AK4: variants seen among roughly 807,000 people sequenced by gnomAD.
AK4 encodes adenylate kinase 4, mitochondrial.
A neutral mutation model predicts 24.6 loss-of-function variants in AK4; 13 were observed. The observed-to-expected ratio is 0.53, with a 90% CI of 0.34 to 0.84. The LOEUF (loss-of-function observed/expected upper bound fraction) is 0.84. Among genes scored for constraint, AK4 ranks in the 40% least tolerant of loss-of-function variants. The pLI is 0.01. For synonymous variants in AK4, 88 were observed against 107.0 expected, an observed-to-expected ratio of 0.82 and a Z score of 1.10; for missense variants, 192 against 288.2, an observed-to-expected ratio of 0.67 and a Z score of 2.42.
intron 4 of AK4, among the ~76,000 whole-genome samples, chr1:65,225,659 C>A (rs1376536232): frequency 6.6e-6 from 1 of 152,142 alleles, no homozygotes; most frequent in Non-Finnish European, 1.5e-5. Flanking sequence ...TTTAGCAAAC[C>A]TTAAGATCAG....
At chr1:65,171,899 C>A (rs1012331165) in intron 1 of AK4, among the ~76,000 whole-genome samples, 4 of 150,986 alleles carry the variant, frequency 2.6e-5, no homozygotes, top group Non-Finnish European at 5.9e-5. Flanking sequence ...GAAACCCTAG[C>A]TCTAGTAAAA....
chr1:65,152,364 A>ATCTCTC (rs1327370501), intron 1 of AK4, among the ~76,000 whole-genome samples: 65 of 37,526 alleles, frequency 1.7e-3, no homozygotes, highest in African/African-American at 4.2e-3. Flanking sequence ...CTCTCTCTAT[A>ATCTCTC]TATATATATA....
At chr1:65,202,974 T>G (rs1651709570) in intron 2 of AK4, among the ~76,000 whole-genome samples, 1 of 150,740 alleles carries the variant, frequency 6.6e-6, no homozygotes, top group African/African-American at 2.4e-5. Flanking sequence ...GTTCAAGTGA[T>G]TGATCCTCCC....
intron 1 of AK4, among the ~76,000 whole-genome samples, chr1:65,163,740 C>T (rs756030899): frequency 5.9e-5 from 9 of 152,102 alleles, no homozygotes; most frequent in Admixed American, 2.0e-4. Context: ...GGGAGACTGG[C>T]GTTTTATTAT....
chr1:65,187,720 C>T (rs1045562971), intron 1 of AK4, among the ~76,000 whole-genome samples: 17 of 152,178 alleles, frequency 1.1e-4, no homozygotes, highest in African/African-American at 4.1e-4. Flanking sequence ...ATAGTATGCA[C>T]TTAATTAATG....
At chr1:65,150,759 C>T (rs1649744616) in intron 1 of AK4, among the ~76,000 whole-genome samples, 1 of 152,118 alleles carries the variant, frequency 6.6e-6, no homozygotes, top group African/African-American at 2.4e-5. Flanking sequence ...GAAATAGAAC[C>T]GTGTAGGAAT....
At chr1:65,209,037 A>C (rs1234431528) in intron 2 of AK4, among the ~76,000 whole-genome samples, 2 of 152,230 alleles carry the variant, frequency 1.3e-5, no homozygotes, top group East Asian at 3.8e-4. Context: ...ATAATTAGTG[A>C]TATAACAAGA....
chr1:65,181,186 A>G (rs1178525365), intron 1 of AK4, among the ~76,000 whole-genome samples: 1 of 150,970 alleles, frequency 6.6e-6, no homozygotes, highest in Non-Finnish European at 1.5e-5. Context: ...ACAATTTTGT[A>G]TCTCCCACCC....
intron 1 of AK4, among the ~76,000 whole-genome samples, chr1:65,158,685 T>A (rs1195693069): frequency 6.6e-6 from 1 of 152,162 alleles, no homozygotes; most frequent in Non-Finnish European, 1.5e-5. Context: ...TTTTGCATTT[T>A]TAGTGGAGAC....
chr1:65,211,981 A>C (rs1651985393), intron 2 of AK4, among the ~76,000 whole-genome samples: 1 of 152,200 alleles, frequency 6.6e-6, no homozygotes, highest in African/African-American at 2.4e-5. Context: ...AGCTGAGGAT[A>C]CACATGGGTA....
intron 1 of AK4, among the ~76,000 whole-genome samples, chr1:65,164,623 T>A (rs1009183489): frequency 1.3e-5 from 2 of 152,240 alleles, no homozygotes; most frequent in African/African-American, 4.8e-5. Context: ...ATTTGTCTTC[T>A]TGTTGAATTC....
intron 2 of AK4, among the ~76,000 whole-genome samples, chr1:65,191,837 A>G (rs1447803675): frequency 6.6e-6 from 1 of 152,182 alleles, no homozygotes; most frequent in Non-Finnish European, 1.5e-5. Flanking sequence ...TACAAACCAG[A>G]GATCATTGGA....
At chr1:65,192,832 C>T (rs563909983) in intron 2 of AK4, among the ~76,000 whole-genome samples, 1 of 152,278 alleles carries the variant, frequency 6.6e-6, no homozygotes, top group South Asian at 2.1e-4. Context: ...ACAGGGGAGA[C>T]ATTAAGTCTT....
intron 3 of AK4, among the ~76,000 whole-genome samples, chr1:65,223,432 G>T (rs907953538): frequency 1.3e-5 from 2 of 151,730 alleles, no homozygotes; most frequent in Non-Finnish European, 2.9e-5. Flanking sequence ...TAAGTGATCC[G>T]CCCGCCTTGG....
At chr1:65,208,947 G>C (rs1327520840) in intron 2 of AK4, among the ~76,000 whole-genome samples, 1 of 151,866 alleles carries the variant, frequency 6.6e-6, no homozygotes, top group Non-Finnish European at 1.5e-5. Context: ...CACAATACCA[G>C]TCAGGAATTT....
intron 2 of AK4, among the ~76,000 whole-genome samples, chr1:65,214,904 A>G (rs988951651): frequency 2.6e-5 from 4 of 152,218 alleles, no homozygotes; most frequent in African/African-American, 9.6e-5. Context: ...GAAGTGAGAT[A>G]GAGGCGACTT....
intron 1 of AK4, among the ~76,000 whole-genome samples, chr1:65,161,475 A>G (rs982459151): frequency 3.3e-5 from 5 of 152,152 alleles, no homozygotes; most frequent in East Asian, 1.9e-4. Flanking sequence ...CTTTGTTCAC[A>G]TGTACCTTTT....
intron 2 of AK4, among the ~76,000 whole-genome samples, chr1:65,205,323 A>G (rs1388388054): frequency 6.6e-6 from 1 of 152,038 alleles, no homozygotes; most frequent in East Asian, 1.9e-4. Context: ...AGCTTGCTGC[A>G]CTCTCAAACT....
chr1:65,154,711 T>TACATATGTACATGAA, intron 1 of AK4: 1 of 294,428 alleles, frequency 3.4e-6, no homozygotes, highest in Non-Finnish European at 7.0e-6. Flanking sequence ...CGATAGTTCT[T>TACATATGTACATGAA]TGTACATAAA....
Sources: gnomAD v4.1 joint callset for allele counts (sites outside exome capture counted in the v4.1 genomes callset) on GRCh38, gnomAD v4.1.1 for gene constraint, MANE v1.5 for transcripts, NCBI Gene and HGNC (gene_info 2026-07-23, HGNC 2026-07-21) for gene names.